Variants in KANTR observed in about 807,000 individuals in gnomAD.
KANTR encodes KDM5C adjacent transcript.
chrX:53,133,138 C>T (rs1173355730), intron 2 of KANTR, among the ~76,000 whole-genome samples: 1 of 109,660 alleles, frequency 9.1e-6, no homozygotes, highest in Non-Finnish European at 1.9e-5. Flanking sequence ...AAGGCCGAGG[C>T]GGGAAGATTG....
chrX:53,138,608 G>A (rs1162945894), intron 2 of KANTR, among the ~76,000 whole-genome samples: 1 of 109,653 alleles, frequency 9.1e-6, no homozygotes, highest in East Asian at 2.9e-4. Context: ...GGGAGGCTGA[G>A]GCAGGAGAAT....
At chrX:53,098,087 A>G (rs1371790958) in intron 1 of KANTR, among the ~76,000 whole-genome samples, 1 of 108,046 alleles carries the variant, frequency 9.3e-6, no homozygotes, top group East Asian at 2.9e-4. Flanking sequence ...AAGAAATTAT[A>G]TAATTACAGT....
At chrX:53,116,938 T>C (rs1428796937) in intron 2 of KANTR, among the ~76,000 whole-genome samples, 1 of 111,653 alleles carries the variant, frequency 9.0e-6, no homozygotes, top group African/African-American at 3.3e-5. Context: ...CTTCCTCACG[T>C]TCTCTACTCT....
chrX:53,121,281 G>A (rs1319310160), intron 2 of KANTR, among the ~76,000 whole-genome samples: 1 of 112,065 alleles, frequency 8.9e-6, no homozygotes, highest in East Asian at 2.8e-4. Context: ...GATTATAGGA[G>A]TGAGCCACCA....
At chrX:53,108,059 T>A (rs144043331) in intron 2 of KANTR, among the ~76,000 whole-genome samples, 1,692 of 109,332 alleles carry the variant, frequency 0.015, 32 homozygotes, top group African/African-American at 0.053. Flanking sequence ...CCAGCTAATT[T>A]TTTGTATTTT....
chrX:53,131,384 A>C (rs1556817032), downstream of KANTR, among the ~76,000 whole-genome samples: 1 of 111,880 alleles, frequency 8.9e-6, no homozygotes, highest in Non-Finnish European at 1.9e-5. Flanking sequence ...TTATCAAATC[A>C]AATCCAATAA....
At chrX:53,101,435 G>A (rs926169557) in intron 2 of KANTR, among the ~76,000 whole-genome samples, 1 of 111,051 alleles carries the variant, frequency 9.0e-6, no homozygotes, top group Non-Finnish European at 1.9e-5. Flanking sequence ...GCAAGACCCT[G>A]TCTCCAAAAA....
intron 2 of KANTR, among the ~76,000 whole-genome samples, chrX:53,111,962 G>A (rs1377835727): frequency 9.0e-6 from 1 of 110,925 alleles, no homozygotes; most frequent in Non-Finnish European, 1.9e-5. Context: ...TTCATTTCTT[G>A]TTTTTTAATT....
chrX:53,122,217 C>T (rs2146743664), intron 2 of KANTR, among the ~76,000 whole-genome samples: 1 of 111,925 alleles, frequency 8.9e-6, no homozygotes, highest in East Asian at 2.8e-4. Context: ...TCACATGCTC[C>T]CATCCTTTGG....
chrX:53,124,544 A>G (rs1323585069), exon 3 of KANTR: 1 of 292,439 alleles, frequency 3.4e-6, no homozygotes, highest in East Asian at 4.8e-5. Context: ...ATTCTTTCCC[A>G]TTTTCTAATT....
chrX:53,147,674 GCACCA>G (rs1161617611), downstream of KANTR, among the ~76,000 whole-genome samples: 21 of 111,289 alleles, frequency 1.9e-4, no homozygotes, highest in Non-Finnish European at 3.6e-4. Context: ...ATTCTTTTCA[GCACCA>G]CACCACACCT....
chrX:53,119,681 C>A (rs1240019420), intron 2 of KANTR, among the ~76,000 whole-genome samples: 1 of 111,689 alleles, frequency 9.0e-6, no homozygotes, highest in Admixed American at 9.5e-5. Flanking sequence ...TATTTTTCTT[C>A]AGAAGTATCA....
chrX:53,103,381 C>G (rs782605591), intron 2 of KANTR, among the ~76,000 whole-genome samples: 79 of 111,175 alleles, frequency 7.1e-4, no homozygotes, highest in Non-Finnish European at 1.3e-3. Context: ...CTCACGCCTA[C>G]TAGTACTCCA....
At chrX:53,128,115 G>A (rs1293085882), downstream of KANTR, among the ~76,000 whole-genome samples, 8 of 111,570 alleles carry the variant, frequency 7.2e-5, no homozygotes, top group Middle Eastern at 4.6e-3. Flanking sequence ...CCATGACTCC[G>A]GATACTAATT....
At chrX:53,096,939 G>A (rs782821089) in intron 1 of KANTR, among the ~76,000 whole-genome samples, 131 of 110,586 alleles carry the variant, frequency 1.2e-3, no homozygotes, top group African/African-American at 4.1e-3. Flanking sequence ...GACCAGCCTG[G>A]CCAACATGGT....
exon 3 of KANTR, chrX:53,127,299 T>C (rs782706840): frequency 8.9e-6 from 1 of 112,476 alleles, no homozygotes; most frequent in South Asian, 3.7e-4. Flanking sequence ...ATTTATTTAT[T>C]GTGGTTAGTG....
chrX:53,136,693 CATATATATATATATATAT>C (rs58263602), intron 2 of KANTR, among the ~76,000 whole-genome samples: 105 of 9,303 alleles, frequency 0.011, 22 homozygotes, highest in Middle Eastern at 0.22. Flanking sequence ...CCACGCCCGG[CATATATATATATATATAT>C]ATATATATAT....
intron 2 of KANTR, among the ~76,000 whole-genome samples, chrX:53,103,379 T>C (rs782559100): frequency 1.8e-5 from 2 of 111,148 alleles, no homozygotes; most frequent in South Asian, 7.6e-4. Flanking sequence ...AGCTCACGCC[T>C]ACTAGTACTC....
At chrX:53,140,444 T>C (rs1411514409) in intron 2 of KANTR, among the ~76,000 whole-genome samples, 1 of 101,264 alleles carries the variant, frequency 9.9e-6, no homozygotes, top group African/African-American at 3.7e-5. Context: ...GAGGTTGCAG[T>C]GAGCCAAGAT....
Sources: gnomAD v4.1 joint callset for allele counts (sites outside exome capture counted in the v4.1 genomes callset) on GRCh38, gnomAD v4.1.1 for gene constraint, MANE v1.5 for transcripts, NCBI Gene and HGNC (gene_info 2026-07-23, HGNC 2026-07-21) for gene names.